CHD8: variants seen among roughly 807,000 people sequenced by gnomAD.
The protein encoded by CHD8 is chromodomain helicase DNA binding protein 8, also known as ATP-dependent chromatin remodeler CHD8.
A neutral mutation model predicts 279.2 loss-of-function variants in CHD8; 31 were observed. That is an observed-to-expected ratio of 0.11 (90% confidence interval 0.08 to 0.15). The LOEUF (loss-of-function observed/expected upper bound fraction) is 0.15, where lower values mean the gene tolerates loss of function less well. Ranked by LOEUF, CHD8 falls within the 10% of genes least tolerant of loss-of-function variation. The pLI, the probability that CHD8 is intolerant of heterozygous loss-of-function variation, is 1.00. For missense variants in CHD8, 2,146 were observed against 3,230.5 expected, an observed-to-expected ratio of 0.66 and a Z score of 8.14; for synonymous variants, 1,081 against 1,139.6, an observed-to-expected ratio of 0.95 and a Z score of 1.04.
At position 21,406,970 on chromosome 14, in the gene CHD8, C is replaced by T. The variant is rs766849559; in HGVS notation, c.2793G>A (p.Leu931=). The T allele has an allele frequency of 2.5e-6, 4 of 1,607,794 alleles. No individual in the cohort carries two copies. The South Asian group carries it at 4.4e-5, about 18-fold the overall frequency. ...DALITTFEMI[L]SDCPELREIE... is the part of the protein sequence containing the mutation. ...TTTCACGAAGCTCAGGACAATCTGA[C>T]AAAATCATCTCAAAAGTGGTGATCA... The change falls in exon 14 of 38, where the codon TTG becomes TTA. Residue 931 remains leucine (L), a synonymous_variant. Transcript: ENST00000646647.
chr14:21,431,624 T>A lies in CHD8; in HGVS notation c.20A>T (p.Asp7Val). ...AAATAAATTTGGGTCATCGAACAGA[T>A]CCATGATGGGGTCTGCCATCTTGGG... MADPIM[D>V]LFDDPNLFGL... is the part of the protein sequence containing the mutation. The change falls in exon 2 of 38, where the codon GAT becomes GTT. Residue 7 changes from aspartate to valine, a missense_variant. By Grantham distance (152) the Asp-to-Val change is radical. This residue lies in a region of CHD8 where 302 missense variants were observed against 325.5 expected (regional missense o/e 0.93). Coordinates refer to ENST00000646647, the MANE Select transcript of CHD8 (RefSeq NM_001170629.2). 1.3e-6 allele frequency: 2 copies of A among 1,539,592 alleles called. No individual in the cohort carries two copies. Among genetic ancestry groups the A allele is most frequent in the Non-Finnish European group, 1.7e-6 (2 of 1,147,250 alleles).
chr14:21,387,369 C>T (rs546597258), intron 37 of CHD8, among the ~76,000 whole-genome samples: 6 of 150,326 alleles, frequency 4.0e-5, no homozygotes, highest in Middle Eastern at 3.5e-3. Flanking sequence ...TGGTGGCTCA[C>T]GCCTGTAATC....
rs771087131 is a variant in CHD8, at chr14:21,403,238, T to C, written c.3519-26A>G. 2 of 1,603,078 alleles carry C rather than the reference T, an allele frequency of 1.2e-6. No individual in the cohort carries two copies. Among genetic ancestry groups the C allele is most frequent in the Non-Finnish European group, 1.7e-6 (2 of 1,172,204 alleles). On this transcript the variant is annotated intron_variant, in intron 17 of 37. Coordinates refer to ENST00000646647, the MANE Select transcript of CHD8 (RefSeq NM_001170629.2). The surrounding 1 kb of genome is among the most constrained non-coding windows in gnomAD (Gnocchi z 4.3). Reference sequence around the variant, plus strand: ...CTGTATGGGAATCGCAGAAAAAAAATGTAAGTGGCTAAGCAGAAGTGGAGA... The same window carrying C: ...CTGTATGGGAATCGCAGAAAAAAAACGTAAGTGGCTAAGCAGAAGTGGAGA...
intron 5 of CHD8, among the ~76,000 whole-genome samples, chr14:21,424,459 G>A (rs967036261): frequency 1.3e-5 from 2 of 150,018 alleles, no homozygotes; most frequent in East Asian, 1.9e-4. Context: ...AAACTTTCTC[G>A]ACTATTCTTT....
chr14:21,399,011 G>C (rs566216309), intron 26 of CHD8: 2 of 406,828 alleles, frequency 4.9e-6, no homozygotes, highest in African/African-American at 4.2e-5. Flanking sequence ...TCAAAGCCAA[G>C]ATCCACGACA....
rs765594505 is a variant in CHD8 at position 21,431,493 on chromosome 14, G to T, written c.151C>A (p.Gln51Lys). ...CCCACATCACCACCTCCACCATCCTGGTTCATCTGATCCAAGGAGTCCAGA... is the reference window on the plus strand; with the variant it reads ...CCCACATCACCACCTCCACCATCCTTGTTCATCTGATCCAAGGAGTCCAGA... ...SSLDSLDQMN[Q>K]DGGGGDVGNS... Residue 51 changes from glutamine to lysine, a missense_variant, in exon 2 of 38, where the codon CAG becomes AAG. By Grantham distance (53) the Gln-to-Lys change is moderately conservative (BLOSUM62 1). This residue lies in a region of CHD8 where 302 missense variants were observed against 325.5 expected (regional missense o/e 0.93). Transcript: ENST00000646647. 2 of 1,537,184 alleles carry T rather than the reference G, an allele frequency of 1.3e-6. No homozygotes were observed. The highest frequency in any genetic ancestry group is 2.4e-5 in the South Asian group (2 of 84,056).
At chr14:21,401,832 C>T (rs375247980) in intron 20 of CHD8, 125 bp downstream of exon 20, 15 of 873,884 alleles carry the variant, frequency 1.7e-5, no homozygotes, top group South Asian at 8.5e-5. Flanking sequence ...GTGATCTGCC[C>T]GCCTCAGCCT....
chr14:21,441,275 C>T (rs1473907806), intron 1 of CHD8, among the ~76,000 whole-genome samples: 1 of 152,188 alleles, frequency 6.6e-6, no homozygotes, highest in Non-Finnish European at 1.5e-5. Flanking sequence ...TCACACCATT[C>T]TCTAAACCAG....
chr14:21,391,799 A>C, intron 35 of CHD8, 34 bp downstream of exon 35: 1 of 1,556,520 alleles, frequency 6.4e-7, no homozygotes, highest in African/African-American at 1.4e-5. Flanking sequence ...AAGACAATCT[A>C]ATCGTCAGGT....
At chr14:21,409,249 T>A (rs758507816) in intron 11 of CHD8, among the ~76,000 whole-genome samples, 3 of 152,138 alleles carry the variant, frequency 2.0e-5, no homozygotes, top group Non-Finnish European at 2.9e-5. Flanking sequence ...ATGTGAAACA[T>A]AAGGGACAGA....
chr14:21,394,865 C>A (rs766909072), intron 30 of CHD8, 47 bp downstream of exon 30: 1 of 1,579,864 alleles, frequency 6.3e-7, no homozygotes, highest in Non-Finnish European at 8.7e-7. Context: ...AGTATAGGGA[C>A]CATAACTGAA....
At chr14:21,391,711 G>T in intron 35 of CHD8, 69 bp from the exon 36 acceptor site, 1 of 1,514,054 alleles carries the variant, frequency 6.6e-7, no homozygotes. Flanking sequence ...GGGGAGCAGG[G>T]CCAATGGTAG....
chr14:21,393,457 G>A lies in CHD8; in HGVS notation c.6319+19C>T. On this transcript the variant is annotated intron_variant, in intron 32 of 37. Transcript: ENST00000646647. ...GGGGAAATAGGGAAGGGGGCCAACA[G>A]CCTGTCACATGCACTCACTTAGCTT... 1 of 1,539,100 alleles carries A rather than the reference G, an allele frequency of 6.5e-7. No homozygotes were observed. The highest frequency in any genetic ancestry group is 8.8e-7 in the Non-Finnish European group (1 of 1,140,600).
At chr14:21,413,126 G>A (rs2139492856) in intron 9 of CHD8, 130 bp from the exon 10 acceptor site, 1 of 660,730 alleles carries the variant, frequency 1.5e-6, no homozygotes, top group Non-Finnish European at 2.7e-6. Context: ...TCCGATGGGT[G>A]TTCTCCTTTT....
rs543920845 is a variant in CHD8, at chr14:21,411,861, G to A, written c.2226+1052C>T. 4.3e-4 allele frequency among the ~76,000 whole-genome samples: 65 copies of A among 152,196 alleles called. 1 individual carries two copies. The highest frequency in any genetic ancestry group is 1.6e-3 in the African/African-American group (65 of 41,546). On this transcript the variant is annotated intron_variant, in intron 10 of 37. Coordinates refer to ENST00000646647, the MANE Select transcript of CHD8 (RefSeq NM_001170629.2). ...GGAGATCACTTGAGGTCAGGAGTTC[G>A]AGACTAAGCCTGGCTAACATGGTGA...
Position 21,401,448 on chromosome 14 carries a change from C to T in CHD8, c.4128G>A (p.Lys1376=). 1 of 1,602,126 alleles carries T rather than the reference C, an allele frequency of 6.2e-7. No individual in the cohort carries two copies. Among genetic ancestry groups the T allele is most frequent in the South Asian group, 1.1e-5 (1 of 88,784 alleles). Residue 1376 remains lysine, a synonymous_variant, in exon 21 of 38, where the codon AAG becomes AAA. Coordinates refer to ENST00000646647, the MANE Select transcript of CHD8 (RefSeq NM_001170629.2). The part of the protein sequence containing the change: ...ISLDDPNFWQ[K]WAKKADLDMD... ...TGTCTAGGTCAGCCTTTTTGGCCCACTTTTGCCAAAAGTTGGGGTCATCCA... is the reference window on the plus strand; with the variant it reads ...TGTCTAGGTCAGCCTTTTTGGCCCATTTTTGCCAAAAGTTGGGGTCATCCA...
Position 21,409,479 on chromosome 14 carries a change from AG to A in CHD8, c.2364+371del, listed in dbSNP as rs34065890. ...ATTTAACAAAAATTAGAAGACAATC[AG>A]GGAAATGTATGCAATGATTGGTACC... On this transcript the variant is annotated intron_variant, in intron 11 of 37. Coordinates refer to ENST00000646647, the MANE Select transcript of CHD8 (RefSeq NM_001170629.2). Among the ~76,000 whole-genome samples the A allele has an allele frequency of 2.6e-5, 4 of 152,360 alleles. No individual in the cohort carries two copies. In the South Asian group the frequency reaches 8.3e-4, roughly 32 times the overall value.
intron 5 of CHD8, among the ~76,000 whole-genome samples, chr14:21,418,135 T>G (rs1016254609): frequency 2.0e-5 from 3 of 152,088 alleles, no homozygotes; most frequent in Non-Finnish European, 2.9e-5. Flanking sequence ...CATTATGCCT[T>G]TCTCATTGAT....
In CHD8 at chr14:21,414,848, A is replaced by C; in HGVS notation, c.2024+90T>G. On this transcript the variant is annotated intron_variant, in intron 8 of 37. Transcript: ENST00000646647. ...CAACCTGGGCTACAAGACTATAAAAAAGGGACACATTCCCACCCAGGATAC... is the reference window on the plus strand; with the variant it reads ...CAACCTGGGCTACAAGACTATAAAACAGGGACACATTCCCACCCAGGATAC... The C allele has an allele frequency of 3.3e-6, 3 of 913,222 alleles. No individual in the cohort carries two copies. The South Asian group carries it at 4.4e-5, about 14-fold the overall frequency. 56.6% of individuals were successfully genotyped at this position (913,222 alleles called of 1,614,324 possible).
Sources: gnomAD v4.1 joint callset for allele counts (sites outside exome capture counted in the v4.1 genomes callset) on GRCh38, gnomAD v4.1.1 for gene constraint, gnomAD v4.1.1 regional missense constraint, Gnocchi (gnomAD v3.1) non-coding constraint, MANE v1.5 for transcripts, NCBI Gene and HGNC (gene_info 2026-07-23, HGNC 2026-07-21) for gene names.